C11orf65: variants seen among roughly 807,000 people sequenced by gnomAD.
C11orf65 encodes protein MFI.
A neutral mutation model predicts 35.3 loss-of-function variants in C11orf65; 38 were observed. That is an observed-to-expected ratio of 1.08 (90% CI 0.83 to 1.41). C11orf65 has a LOEUF of 1.41. Among genes scored for constraint, C11orf65 ranks in the 40% most tolerant of loss-of-function variants. C11orf65 has a pLI of 0.00. For missense variants in C11orf65, 370 were observed against 367.1 expected (o/e 1.01, Z -0.06); for synonymous variants, 105 against 114.4 (o/e 0.92, Z 0.53).
At chr11:108,319,170 C>T (rs2085005894) in intron 6 of C11orf65, among the ~76,000 whole-genome samples, 1 of 152,146 alleles carries the variant, frequency 6.6e-6, no homozygotes, top group Non-Finnish European at 1.5e-5. Flanking sequence ...GAGTGAGACT[C>T]TGTCTCAAAA....
At chr11:108,434,997 C>A (rs1245127115) in intron 2 of C11orf65, among the ~76,000 whole-genome samples, 1 of 152,182 alleles carries the variant, frequency 6.6e-6, no homozygotes, top group African/African-American at 2.4e-5. Context: ...ATTTAGAATT[C>A]AGTGATAACA....
chr11:108,375,633 C>T (rs1411063805), intron 2 of C11orf65, among the ~76,000 whole-genome samples: 1 of 152,048 alleles, frequency 6.6e-6, no homozygotes. Context: ...TCACACATAA[C>T]AATATTAACT....
intron 2 of C11orf65, chr11:108,366,374 G>A: frequency 4.7e-6 from 1 of 214,858 alleles, no homozygotes; most frequent in Non-Finnish European, 9.4e-6. Context: ...TCAGATCTCT[G>A]TTTCTTGATG....
At chr11:108,315,412 T>C (rs2084537188) in intron 6 of C11orf65, among the ~76,000 whole-genome samples, 1 of 152,220 alleles carries the variant, frequency 6.6e-6, no homozygotes, top group Non-Finnish European at 1.5e-5. Context: ...GATTTGTGTA[T>C]ATTTTATGGT....
intron 3 of C11orf65, among the ~76,000 whole-genome samples, chr11:108,429,146 CAAAAAAAGAAAAA>C (rs1437320882): frequency 6.7e-6 from 1 of 150,352 alleles, no homozygotes; most frequent in Non-Finnish European, 1.5e-5. Flanking sequence ...GACCCTGTCT[CAAAAAAAGAAAAA>C]GAAAAAAGAA....
chr11:108,457,865 T>C (rs1041831590), intron 2 of C11orf65, among the ~76,000 whole-genome samples: 6 of 152,196 alleles, frequency 3.9e-5, no homozygotes, highest in Admixed American at 2.0e-4. Context: ...GCTAAAACTA[T>C]GCATCCTTTT....
chr11:108,454,023 G>A (rs1282019638), intron 2 of C11orf65, among the ~76,000 whole-genome samples: 1 of 152,194 alleles, frequency 6.6e-6, no homozygotes, highest in Non-Finnish European at 1.5e-5. Flanking sequence ...AAGGTCATCA[G>A]TGAATTCAAC....
chr11:108,361,482 A>G lies in C11orf65; in HGVS notation c.227-26190T>C, dbSNP rs554997674. 7.6e-4 allele frequency among the ~76,000 whole-genome samples: 115 copies of G among 152,178 alleles called. 1 individual carries two copies. Among genetic ancestry groups the G allele is most frequent in the African/African-American group, 2.4e-3 (101 of 41,530 alleles). On this transcript the variant is annotated intron_variant, in intron 2 of 3. Coordinates refer to the C11orf65 transcript ENST00000524755. Reference sequence around the variant, plus strand: ...CATATGGAACCAAAAAAGAGCCCGCATCGGCAAGTCAATCCTAAGCCAAAA... The same window carrying G: ...CATATGGAACCAAAAAAGAGCCCGCGTCGGCAAGTCAATCCTAAGCCAAAA...
chr11:108,312,551 T>A (rs2084265757), intron 6 of C11orf65: 1 of 1,310,272 alleles, frequency 7.6e-7, no homozygotes, highest in Non-Finnish European at 1.1e-6. Context: ...ATACTTTGGG[T>A]TATTTTGTTA....
intron 2 of C11orf65, among the ~76,000 whole-genome samples, chr11:108,350,370 T>G (rs2089039273): frequency 6.6e-6 from 1 of 152,122 alleles, no homozygotes; most frequent in Non-Finnish European, 1.5e-5. Context: ...ACTAGAAATC[T>G]CAGTCAAATT....
intron 2 of C11orf65, among the ~76,000 whole-genome samples, chr11:108,348,433 G>T (rs2088753763): frequency 7.2e-6 from 1 of 138,260 alleles, no homozygotes; most frequent in African/African-American, 2.7e-5. Context: ...TAATATATAA[G>T]AAAGAAAGAA....
chr11:108,333,982 A>G, intron 3 of C11orf65: 1 of 1,580,336 alleles, frequency 6.3e-7, no homozygotes, highest in Non-Finnish European at 8.7e-7. Context: ...ATTTGCAATT[A>G]ACTCTTGATT....
intron 2 of C11orf65, among the ~76,000 whole-genome samples, chr11:108,460,086 T>C (rs915715170): frequency 7.2e-5 from 11 of 152,126 alleles, no homozygotes; most frequent in Non-Finnish European, 1.3e-4. Context: ...CTGGGCAACA[T>C]AGTGAGATCC....
chr11:108,311,433 C>T (rs963379288), intron 6 of C11orf65, among the ~76,000 whole-genome samples: 2 of 152,242 alleles, frequency 1.3e-5, no homozygotes, highest in Non-Finnish European at 2.9e-5. Flanking sequence ...CAGTGGCTCA[C>T]GCATGTAATC....
At chr11:108,435,308 A>G (rs2093045732) in intron 2 of C11orf65, among the ~76,000 whole-genome samples, 1 of 152,002 alleles carries the variant, frequency 6.6e-6, no homozygotes, top group Admixed American at 6.6e-5. Context: ...TGTTCTCCTC[A>G]TACCAATAAA....
chr11:108,427,155 A>G (rs944071406), intron 3 of C11orf65, among the ~76,000 whole-genome samples: 2 of 152,178 alleles, frequency 1.3e-5, no homozygotes, highest in African/African-American at 4.8e-5. Context: ...TAAAACACCA[A>G]AAGCAATGGC....
At chr11:108,331,166 T>C, downstream of C11orf65, 2 of 1,126,968 alleles carry the variant, frequency 1.8e-6, no homozygotes, top group Non-Finnish European at 2.2e-6. Flanking sequence ...TTTGTCTTCC[T>C]TAGATTTTTT....
chr11:108,367,964 T>C (rs2091418993), intron 2 of C11orf65: 1 of 204,992 alleles, frequency 4.9e-6, no homozygotes, highest in African/African-American at 2.3e-5. Context: ...TGGGTGAAAT[T>C]AGAAATTATC....
Position 108,317,674 on chromosome 11 carries a change from C to A in C11orf65, c.641-8603G>T, listed in dbSNP as rs200559628. On this transcript the variant is annotated intron_variant, in intron 6 of 6. Transcript: ENST00000525729. ...ATATACACACACACACACACACACA[C>A]TATATATATATACATACCATATATA... Among the ~76,000 whole-genome samples, 34 of 129,276 alleles carry A rather than the reference C, an allele frequency of 2.6e-4. No homozygotes were observed. In the East Asian group the frequency reaches 5.8e-3, roughly 22 times the overall value. 84.8% of individuals were successfully genotyped at this position (129,276 alleles called of 152,430 possible). A position where few individuals can be genotyped will look rare whatever the true frequency, so the allele number is the denominator to read the frequency against.
Sources: allele counts gnomAD v4.1 joint callset (sites outside exome capture counted in the v4.1 genomes callset), GRCh38; gene constraint gnomAD v4.1.1; transcripts MANE v1.5; gene names NCBI Gene and HGNC (gene_info 2026-07-23, HGNC 2026-07-21).